CCSER1: variants seen among roughly 807,000 people sequenced by gnomAD.
The protein encoded by CCSER1 is serine-rich coiled-coil domain-containing protein 1.
Under a neutral mutation model 82.0 loss-of-function variants are expected in CCSER1, and 41 were observed. The ratio of observed to expected loss-of-function variants is 0.50; its 90% CI spans 0.39 to 0.65. The LOEUF (loss-of-function observed/expected upper bound fraction) is 0.65, where lower values mean the gene tolerates loss of function less well. CCSER1 is among the 30% of genes least tolerant of loss of function. CCSER1 has a pLI of 0.00. For missense variants in CCSER1, 1,119 were observed against 1,064.2 expected (o/e 1.05, Z -0.72); for synonymous variants, 414 against 383.9 (o/e 1.08, Z -0.92).
intron 7 of CCSER1, among the ~76,000 whole-genome samples, chr4:90,728,236 CTCT>C (rs911342452): frequency 4.6e-5 from 7 of 152,144 alleles, no homozygotes; most frequent in African/African-American, 1.7e-4. Flanking sequence ...TTTCCTAGGT[CTCT>C]TCTTCTTATG....
intron 5 of CCSER1, among the ~76,000 whole-genome samples, chr4:90,553,316 A>G (rs1777751194): frequency 6.6e-6 from 1 of 152,160 alleles, no homozygotes; most frequent in South Asian, 2.1e-4. Flanking sequence ...TGGTGTGCTA[A>G]TGGTTTTTAA....
chr4:90,781,803 T>C, intron 7 of CCSER1: 1 of 959,528 alleles, frequency 1.0e-6, no homozygotes, highest in Non-Finnish European at 1.2e-6. Flanking sequence ...TTGATAACTT[T>C]TATGTTTGCC....
chr4:91,265,212 T>C (rs1581868615), intron 10 of CCSER1, among the ~76,000 whole-genome samples: 2 of 152,158 alleles, frequency 1.3e-5, no homozygotes, highest in South Asian at 4.1e-4. Flanking sequence ...AATCATTCTT[T>C]GGAACTTTGA....
chr4:90,563,783 T>C (rs1779054773), intron 5 of CCSER1, among the ~76,000 whole-genome samples: 1 of 152,256 alleles, frequency 6.6e-6, no homozygotes, highest in African/African-American at 2.4e-5. Context: ...TGGTTTCATT[T>C]TCTTTGGAAT....
chr4:91,408,564 T>A (rs1752841297), intron 10 of CCSER1, among the ~76,000 whole-genome samples: 1 of 152,234 alleles, frequency 6.6e-6, no homozygotes, highest in South Asian at 2.1e-4. Context: ...TTTAAAGTTT[T>A]ACATCTCTTC....
At chr4:90,933,933 C>T (rs1431370782) in intron 9 of CCSER1, among the ~76,000 whole-genome samples, 2 of 151,510 alleles carry the variant, frequency 1.3e-5, no homozygotes, top group African/African-American at 4.8e-5. Flanking sequence ...TAAATTTTCT[C>T]CTACTAAATA....
At chr4:91,520,758 T>A (rs1429827557) in intron 10 of CCSER1, among the ~76,000 whole-genome samples, 1 of 152,186 alleles carries the variant, frequency 6.6e-6, no homozygotes, top group Non-Finnish European at 1.5e-5. Flanking sequence ...ATATGAAATA[T>A]CCTAATTTGT....
intron 10 of CCSER1, among the ~76,000 whole-genome samples, chr4:91,542,861 A>C (rs112250581): frequency 7.0e-4 from 107 of 152,010 alleles, no homozygotes; most frequent in African/African-American, 2.5e-3. Context: ...TATCCTTGTT[A>C]CTTTTTTTCT....
At position 90,923,435 on chromosome 4, in the gene CCSER1, A is replaced by G; in HGVS notation, c.2160A>G (p.Leu720=). Residue 720 remains leucine (L), a synonymous_variant, in exon 9 of 11, where the codon CTA becomes CTG. Coordinates refer to ENST00000509176, the MANE Select transcript of CCSER1 (RefSeq NM_001145065.2). The part of the protein sequence containing the change: ...SRVDKSTQTE[L]LCYDGLNLKR... ...TAGATAAATCCACACAGACTGAACTACTATGCTATGATGTAAGTAGCTCTG... is the reference window on the plus strand; with the variant it reads ...TAGATAAATCCACACAGACTGAACTGCTATGCTATGATGTAAGTAGCTCTG... 6.4e-7 allele frequency: 1 copy of G among 1,550,704 alleles called. No homozygotes were observed. The highest frequency in any genetic ancestry group is 2.4e-5 in the East Asian group (1 of 40,894).
chr4:90,650,797 A>C (rs912886755), intron 6 of CCSER1, among the ~76,000 whole-genome samples: 1 of 152,174 alleles, frequency 6.6e-6, no homozygotes, highest in African/African-American at 2.4e-5. Context: ...TTTCTGTAAA[A>C]TCTTTTCTTC....
chr4:90,537,568 C>T (rs145261017), intron 5 of CCSER1, among the ~76,000 whole-genome samples: 52 of 151,964 alleles, frequency 3.4e-4, no homozygotes, highest in South Asian at 8.3e-4. Flanking sequence ...GTCTTATTTG[C>T]GTATATTTAA....
chr4:90,863,242 A>G (rs1412017281), intron 8 of CCSER1, among the ~76,000 whole-genome samples: 1 of 151,762 alleles, frequency 6.6e-6, no homozygotes, highest in African/African-American at 2.4e-5. Context: ...TTCCAATTTC[A>G]TCCGTGTCCC....
intron 4 of CCSER1, among the ~76,000 whole-genome samples, chr4:90,462,698 G>A (rs747406567): frequency 1.3e-5 from 2 of 152,094 alleles, no homozygotes; most frequent in Non-Finnish European, 2.9e-5. Context: ...TTGCACCTGT[G>A]AATAGCCACC....
intron 6 of CCSER1, among the ~76,000 whole-genome samples, chr4:90,703,709 T>A (rs1016708595): frequency 6.6e-6 from 1 of 152,232 alleles, no homozygotes; most frequent in Non-Finnish European, 1.5e-5. Flanking sequence ...GTTGAATTAA[T>A]CCCTTTACCA....
chr4:90,508,881 A>C (rs968335041), intron 5 of CCSER1, among the ~76,000 whole-genome samples: 3 of 152,116 alleles, frequency 2.0e-5, no homozygotes, highest in Non-Finnish European at 4.4e-5. Flanking sequence ...CTCAAATACT[A>C]TAACTAAATT....
chr4:90,168,160 C>T (rs531065970), intron 1 of CCSER1, among the ~76,000 whole-genome samples: 6 of 152,192 alleles, frequency 3.9e-5, no homozygotes, highest in Non-Finnish European at 7.4e-5. Context: ...TTTTAATGAT[C>T]GCCATTCTAA....
intron 10 of CCSER1, among the ~76,000 whole-genome samples, chr4:91,391,543 T>C (rs1398382232): frequency 1.3e-5 from 2 of 152,086 alleles, no homozygotes; most frequent in Non-Finnish European, 2.9e-5. Flanking sequence ...TCAAGTGATC[T>C]ACCCGCCATG....
intron 10 of CCSER1, among the ~76,000 whole-genome samples, chr4:91,495,191 TG>T (rs1228646494): frequency 6.6e-6 from 1 of 151,754 alleles, no homozygotes; most frequent in African/African-American, 2.4e-5. Flanking sequence ...TGAATGAATT[TG>T]TTCATGGTAT....
At chr4:91,217,626 C>G (rs567265309) in intron 10 of CCSER1, among the ~76,000 whole-genome samples, 1 of 150,192 alleles carries the variant, frequency 6.7e-6, no homozygotes, top group African/African-American at 2.4e-5. Flanking sequence ...TACAGAGTGT[C>G]GATTGGTGCA....
Sources: allele counts gnomAD v4.1 joint callset (sites outside exome capture counted in the v4.1 genomes callset), GRCh38; gene constraint gnomAD v4.1.1; transcripts MANE v1.5; gene names NCBI Gene and HGNC (gene_info 2026-07-23, HGNC 2026-07-21).